Variants in ETF1 observed in about 807,000 individuals in gnomAD.
ETF1 encodes eukaryotic translation termination factor 1.
A neutral mutation model predicts 55.1 loss-of-function variants in ETF1; 4 were observed. The ratio of observed to expected loss-of-function variants is 0.07; its 90% CI spans 0.04 to 0.17. ETF1 has a LOEUF of 0.17. ETF1 is among the 10% of genes least tolerant of loss of function. The pLI is 1.00. For synonymous variants in ETF1, 157 were observed against 182.3 expected (o/e 0.86, Z 1.12); for missense variants, 142 against 523.6 (o/e 0.27, Z 7.11).
At chr5:138,524,744 A>G (rs981842743) in intron 2 of ETF1, among the ~76,000 whole-genome samples, 3 of 151,524 alleles carry the variant, frequency 2.0e-5, no homozygotes, top group East Asian at 2.0e-4. Flanking sequence ...CACCCGGCTA[A>G]TTTTTGTATT....
chr5:138,520,398 T>C (rs530865190), intron 2 of ETF1, among the ~76,000 whole-genome samples: 2 of 152,316 alleles, frequency 1.3e-5, no homozygotes, highest in African/African-American at 4.8e-5. Context: ...TCTGAGCAGT[T>C]ACCAACCCAT....
At chr5:138,525,438 G>C (rs1305238243) in intron 2 of ETF1, among the ~76,000 whole-genome samples, 1 of 147,262 alleles carries the variant, frequency 6.8e-6, no homozygotes, top group African/African-American at 2.5e-5. Context: ...TTACAGGCGT[G>C]AGCCACCATG....
chr5:138,524,077 T>C (rs1765351757), intron 2 of ETF1, among the ~76,000 whole-genome samples: 1 of 152,062 alleles, frequency 6.6e-6, no homozygotes, highest in African/African-American at 2.4e-5. Context: ...TCCCAGCTAC[T>C]CTGGAGGCTG....
chr5:138,516,596 G>A (rs1291838604), intron 4 of ETF1, among the ~76,000 whole-genome samples: 1 of 152,222 alleles, frequency 6.6e-6, no homozygotes, highest in Non-Finnish European at 1.5e-5. Flanking sequence ...GGCCAAGATT[G>A]CACCACTGCA....
chr5:138,532,517 G>A (rs1350040077), intron 2 of ETF1, among the ~76,000 whole-genome samples: 2 of 152,130 alleles, frequency 1.3e-5, no homozygotes, highest in Non-Finnish European at 2.9e-5. Flanking sequence ...CTTGACTATC[G>A]CCTCCCCTCC....
rs35332557 is a variant in ETF1, at chr5:138,541,765, TGGG to T, written c.86+1065_86+1067del. The T allele has an allele frequency of 3.8e-3, 612 of 159,632 alleles. 33 individuals are homozygous for T. Among genetic ancestry groups the T allele is most frequent in the African/African-American group, 0.014 (560 of 38,848 alleles). The allele number at this position is 159,632 out of a possible 1,614,324, so 9.9% of individuals were successfully genotyped here. On this transcript the variant is annotated intron_variant, in intron 2 of 10. Transcript: ENST00000360541. ...TAATAATGTTCCAAACACTTTTTTT[TGGG>T]GGGGGGGGCACTTCCTGTAAGTAAA...
chr5:138,519,794 C>T (rs1351020103), intron 2 of ETF1, among the ~76,000 whole-genome samples: 2 of 152,064 alleles, frequency 1.3e-5, no homozygotes, highest in African/African-American at 4.8e-5. Flanking sequence ...CAACCAAACT[C>T]AAGTTTTTAG....
intron 2 of ETF1, among the ~76,000 whole-genome samples, chr5:138,534,440 G>A (rs552874652): frequency 3.9e-5 from 6 of 152,328 alleles, no homozygotes; most frequent in Admixed American, 3.3e-4. Context: ...ACCAGTGTTC[G>A]GGATTCATTA....
chr5:138,518,128 G>A (rs1048130069), intron 3 of ETF1, among the ~76,000 whole-genome samples: 3 of 151,212 alleles, frequency 2.0e-5, no homozygotes, highest in Non-Finnish European at 2.9e-5. Flanking sequence ...CTTCAACCTG[G>A]GAGGCTTGTG....
At chr5:138,511,859 G>A (rs1764798336) in intron 6 of ETF1, 1 of 984,916 alleles carries the variant, frequency 1.0e-6, no homozygotes, top group African/African-American at 1.8e-5. Context: ...ATAAGTTATT[G>A]TGGAGGAAAG....
At chr5:138,511,968 G>C (rs2127067685) in intron 6 of ETF1, 1 of 797,480 alleles carries the variant, frequency 1.3e-6, no homozygotes, top group South Asian at 5.8e-5. Context: ...GAAGCTAGGA[G>C]AGGCAGACAG....
At chr5:138,517,466 G>A in intron 4 of ETF1, 95 bp downstream of exon 4, 1 of 562,322 alleles carries the variant, frequency 1.8e-6, no homozygotes, top group Middle Eastern at 5.4e-4. Flanking sequence ...TGCCTAGAAT[G>A]AGACAGGTAA....
intron 8 of ETF1, 112 bp downstream of exon 8, chr5:138,510,933 A>G (rs1461452088): frequency 6.6e-7 from 1 of 1,511,128 alleles, no homozygotes; most frequent in African/African-American, 1.4e-5. Context: ...CTGGGGAACA[A>G]TGGGTAGATC....
chr5:138,508,268 A>T lies in ETF1; in HGVS notation c.*37T>A, dbSNP rs1168504032. On this transcript the variant is annotated 3_prime_UTR_variant, in exon 11 of 11. Coordinates refer to ENST00000360541, the MANE Select transcript of ETF1 (RefSeq NM_004730.4). ...GTATGCTCCTTGGGTTGGATGCTGG[A>T]GGGTGAGGCACGTTTTGCCGGACCC... The T allele has an allele frequency of 6.2e-7, 1 of 1,605,118 alleles. No homozygotes were observed. The highest frequency in any genetic ancestry group is 1.3e-5 in the African/African-American group (1 of 74,772).
intron 2 of ETF1, 22 bp downstream of exon 2, chr5:138,542,811 G>A (rs1163852277): frequency 6.8e-6 from 11 of 1,611,210 alleles, no homozygotes; most frequent in Non-Finnish European, 9.3e-6. Flanking sequence ...AGGGCACGGA[G>A]GGTGCCGGAC....
At chr5:138,522,500 T>C (rs1386943877) in intron 2 of ETF1, among the ~76,000 whole-genome samples, 1 of 151,922 alleles carries the variant, frequency 6.6e-6, no homozygotes, top group Non-Finnish European at 1.5e-5. Flanking sequence ...TACTCTTAGT[T>C]AGATACCCAA....
chr5:138,541,870 C>T (rs993561728), intron 2 of ETF1, among the ~76,000 whole-genome samples: 1 of 122,278 alleles, frequency 8.2e-6, no homozygotes, highest in African/African-American at 3.7e-5. Context: ...CTTCCTCAAA[C>T]GAACAACGTT....
chr5:138,522,711 ACTTACACTACATTGG>A (rs557244927), intron 2 of ETF1, among the ~76,000 whole-genome samples: 9 of 152,372 alleles, frequency 5.9e-5, no homozygotes, highest in African/African-American at 1.9e-4. Flanking sequence ...TATTGCATTA[ACTTACACTACATTGG>A]CCAGGTGTGG....
At chr5:138,538,743 T>C (rs2127135429) in intron 2 of ETF1, among the ~76,000 whole-genome samples, 1 of 152,334 alleles carries the variant, frequency 6.6e-6, no homozygotes, top group Middle Eastern at 3.4e-3. Flanking sequence ...AATATTCTAT[T>C]AACCAACAAT....
Sources: gnomAD v4.1 joint callset for allele counts (sites outside exome capture counted in the v4.1 genomes callset) on GRCh38, gnomAD v4.1.1 for gene constraint, MANE v1.5 for transcripts, NCBI Gene and HGNC (gene_info 2026-07-23, HGNC 2026-07-21) for gene names.